The following COL27A1 variants were observed in gnomAD, a reference collection of about 807,000 sequenced individuals.
COL27A1 encodes the protein collagen alpha-1(XXVII) chain.
Under a neutral mutation model 251.3 loss-of-function variants are expected in COL27A1, and 106 were observed. The observed-to-expected ratio is 0.42, with a 90% CI of 0.36 to 0.50. COL27A1 has a LOEUF of 0.50. Among genes scored for constraint, COL27A1 ranks in the 20% least tolerant of loss-of-function variants. The pLI, the probability that COL27A1 is intolerant of heterozygous loss-of-function variation, is 0.00. For synonymous variants in COL27A1, 1,000 were observed against 986.3 expected, an observed-to-expected ratio of 1.01 and a Z score of -0.26; for missense variants, 2,325 against 2,522.8, an observed-to-expected ratio of 0.92 and a Z score of 1.68.
intron 19 of COL27A1, 36 bp downstream of exon 19, chr9:114,237,751 G>C (rs1284209705): frequency 6.3e-7 from 1 of 1,578,672 alleles, no homozygotes; most frequent in African/African-American, 1.3e-5. Flanking sequence ...TCTGGCTGCT[G>C]CTGGGACTCG....
intron 55 of COL27A1, 66 bp downstream of exon 55, chr9:114,301,783 T>G: frequency 6.8e-7 from 1 of 1,480,172 alleles, no homozygotes; most frequent in Non-Finnish European, 9.3e-7. Context: ...GATTCAAGGC[T>G]TCACCGGCAG....
At chr9:114,199,827 C>T (rs1318670893) in intron 7 of COL27A1, among the ~76,000 whole-genome samples, 1 of 152,214 alleles carries the variant, frequency 6.6e-6, no homozygotes, top group Non-Finnish European at 1.5e-5. Context: ...CCTCGCTCCT[C>T]ACCTCTGGCA....
chr9:114,196,106 CCAGCCCCAGCCCAG>C, intron 7 of COL27A1, 94 bp downstream of exon 7: 1 of 1,055,180 alleles, frequency 9.5e-7, no homozygotes, highest in Non-Finnish European at 1.5e-6. Context: ...CTGCCTCTCC[CCAGCCCCAGCCCAG>C]CTCCCCTGGG....
rs2135074008 is a variant in COL27A1, at chr9:114,168,104, G to C, written c.549G>C (p.Leu183=). The part of the protein sequence containing the change: ...ACGQRRVPVL[L]PFHRDPALDP... Reference sequence around the variant, plus strand: ...GGCAGCGCCGGGTGCCTGTCCTGCTGCCTTTCCACAGGGACCCTGCACTCG... The same window carrying C: ...GGCAGCGCCGGGTGCCTGTCCTGCTCCCTTTCCACAGGGACCCTGCACTCG... The change falls in exon 3 of 61, where the codon CTG becomes CTC. Residue 183 remains leucine, a synonymous_variant. Coordinates refer to ENST00000356083, the MANE Select transcript of COL27A1 (RefSeq NM_032888.4). The C allele has an allele frequency of 2.5e-6, 4 of 1,612,188 alleles. No homozygotes were observed. In the South Asian group the frequency reaches 4.4e-5, roughly 18 times the overall value.
At chr9:114,164,875 C>T (rs1357133694) in intron 2 of COL27A1, among the ~76,000 whole-genome samples, 3 of 152,168 alleles carry the variant, frequency 2.0e-5, no homozygotes, top group Non-Finnish European at 4.4e-5. Flanking sequence ...GAAATGAAAG[C>T]CCCTTGGGTC....
At chr9:114,217,736 C>G (rs1830797213) in intron 12 of COL27A1, 1 of 469,596 alleles carries the variant, frequency 2.1e-6, no homozygotes, top group Non-Finnish European at 4.4e-6. Context: ...CAACATTGCC[C>G]TTGTCTCAAG....
At chr9:114,187,885 C>T (rs1016752243) in intron 5 of COL27A1, among the ~76,000 whole-genome samples, 1 of 152,138 alleles carries the variant, frequency 6.6e-6, no homozygotes, top group African/African-American at 2.4e-5. Flanking sequence ...GTTAGAATAT[C>T]TCCAATTATT....
rs570706812 is a variant in COL27A1 at position 114,155,934 on chromosome 9, T to C, written c.-17T>C. 1.6e-6 allele frequency: 2 copies of C among 1,245,112 alleles called. No individual in the cohort carries two copies. Among genetic ancestry groups the C allele is most frequent in the African/African-American group, 1.5e-5 (1 of 64,538 alleles). 77.1% of individuals were successfully genotyped at this position (1,245,112 alleles called of 1,614,324 possible). On this transcript the variant is annotated 5_prime_UTR_variant, in exon 1 of 61. The change abolishes an upstream ATG in the 5' untranslated region. Transcript: ENST00000356083. The surrounding 1 kb of genome is among the most constrained non-coding windows in gnomAD (Gnocchi z 5.5). ...CACTTGCCCCCCGGGCTCGGGAGCA[T>C]GAAGTAGGGGCCTGCCATGGGAGCG...
chr9:114,211,079 C>T, intron 12 of COL27A1, 53 bp downstream of exon 12: 1 of 1,574,788 alleles, frequency 6.4e-7, no homozygotes, highest in Middle Eastern at 1.7e-4. Flanking sequence ...CCCCACCTCC[C>T]ACGGCCACGC....
At chr9:114,307,870 T>C in intron 59 of COL27A1, 92 bp downstream of exon 59, 1 of 833,302 alleles carries the variant, frequency 1.2e-6, no homozygotes, top group Non-Finnish European at 1.9e-6. Context: ...TGTTCTGAGC[T>C]GTGCCTGTCT....
rs1829393677 is a variant in COL27A1 at position 114,310,768 on chromosome 9, G to A, written c.*73G>A. On this transcript the variant is annotated 3_prime_UTR_variant, in exon 61 of 61. Transcript: ENST00000356083. ...AGAGGCAAGGGGAGGGTACTGAGGG[G>A]CAGATGGCTCCAGGAGAGGCAGCTC... 1 of 1,538,928 alleles carries A rather than the reference G, an allele frequency of 6.5e-7. No homozygotes were observed. Among genetic ancestry groups the A allele is most frequent in the South Asian group, 1.2e-5 (1 of 86,790 alleles).
chr9:114,199,146 C>T (rs2135267146), intron 7 of COL27A1, among the ~76,000 whole-genome samples: 1 of 152,302 alleles, frequency 6.6e-6, no homozygotes, highest in South Asian at 2.1e-4. Context: ...TCATCTAACC[C>T]TCCTGCTTTC....
chr9:114,264,663 C>T (rs1009226586), intron 29 of COL27A1, among the ~76,000 whole-genome samples: 1 of 152,180 alleles, frequency 6.6e-6, no homozygotes, highest in Non-Finnish European at 1.5e-5. Context: ...CCCCAAACCC[C>T]ACCAGGCCCC....
intron 32 of COL27A1, 37 bp downstream of exon 32, chr9:114,265,512 C>A (rs372077190): frequency 4.2e-5 from 68 of 1,603,422 alleles, no homozygotes; most frequent in Non-Finnish European, 5.4e-5. Context: ...GCTTCTTTGC[C>A]GCTGGCACCT....
rs1827976426 is a variant in COL27A1 at position 114,292,279 on chromosome 9, G to A, written c.4584+69G>A. Reference sequence around the variant, plus strand: ...TGCACACACTCACATACACCTACATGTACAAACACATGCACACTCATACAC... The same window carrying A: ...TGCACACACTCACATACACCTACATATACAAACACATGCACACTCATACAC... On this transcript the variant is annotated intron_variant, in intron 49 of 60. Transcript: ENST00000356083. 5 of 1,203,468 alleles carry A rather than the reference G, an allele frequency of 4.2e-6. No individual in the cohort carries two copies. The South Asian group carries it at 6.5e-5, about 16-fold the overall frequency. 74.5% of individuals were successfully genotyped at this position (1,203,468 alleles called of 1,614,324 possible).
rs143356513 is a variant in COL27A1 at position 114,217,918 on chromosome 9, A to G, written c.2368-1873A>G. The G allele has an allele frequency of 3.1e-3, 1,370 of 438,178 alleles. 21 individuals carry two copies. Among genetic ancestry groups the G allele is most frequent in the African/African-American group, 0.026 (1,257 of 49,114 alleles). The allele number at this position is 438,178 out of a possible 1,614,324, so 27.1% of individuals were successfully genotyped here. A position where few individuals can be genotyped will look rare whatever the true frequency, so the allele number is the denominator to read the frequency against. On this transcript the variant is annotated intron_variant, in intron 12 of 60. Coordinates refer to ENST00000356083, the MANE Select transcript of COL27A1 (RefSeq NM_032888.4). Reference sequence around the variant, plus strand: ...CGCTTGAGCCCAGGAGTTCGAGACCAGCTTGGGCAACATGGAGAAACCCCA... The same window carrying G: ...CGCTTGAGCCCAGGAGTTCGAGACCGGCTTGGGCAACATGGAGAAACCCCA...
chr9:114,284,921 G>A lies in COL27A1; in HGVS notation c.3987+144G>A, dbSNP rs1227756894. 8.4e-6 allele frequency: 7 copies of A among 829,512 alleles called. No individual in the cohort carries two copies. The African/African-American group carries it at 1.2e-4, about 14-fold the overall frequency. The allele number at this position is 829,512 out of a possible 1,614,324, so 51.4% of individuals were successfully genotyped here. Reference sequence around the variant, plus strand: ...ACCCCCTGCAGCAGCCGAGGCTGGTGTCACTGCCACTGTGCCCAGCCCGCA... The same window carrying A: ...ACCCCCTGCAGCAGCCGAGGCTGGTATCACTGCCACTGTGCCCAGCCCGCA... On this transcript the variant is annotated intron_variant, in intron 41 of 60. Transcript: ENST00000356083.
At chr9:114,196,700 G>A (rs756206956) in intron 7 of COL27A1, among the ~76,000 whole-genome samples, 97 of 152,192 alleles carry the variant, frequency 6.4e-4, no homozygotes, top group Non-Finnish European at 1.1e-3. Context: ...CTGTTGTTAT[G>A]TCACGCCCAT....
chr9:114,163,858 G>A (rs750533725), intron 2 of COL27A1, among the ~76,000 whole-genome samples: 5 of 148,634 alleles, frequency 3.4e-5, no homozygotes, highest in East Asian at 2.0e-4. Context: ...TCACTGGGGC[G>A]GGGGGCGGGG....
Sources: gnomAD v4.1 joint callset for allele counts (sites outside exome capture counted in the v4.1 genomes callset) on GRCh38, gnomAD v4.1.1 for gene constraint, Gnocchi (gnomAD v3.1) non-coding constraint, MANE v1.5 for transcripts, NCBI Gene and HGNC (gene_info 2026-07-23, HGNC 2026-07-21) for gene names.